Variants in BLK observed in about 807,000 individuals in gnomAD.
BLK encodes the protein tyrosine-protein kinase Blk.
Under a neutral mutation model 61.8 loss-of-function variants are expected in BLK, and 64 were observed. The observed-to-expected ratio is 1.03, with a 90% CI of 0.85 to 1.27. The LOEUF (loss-of-function observed/expected upper bound fraction) is 1.27. Among genes scored for constraint, BLK ranks in the 50% most tolerant of loss-of-function variants. The pLI, the probability that BLK is intolerant of heterozygous loss-of-function variation, is 0.00. For missense variants in BLK, 853 were observed against 660.5 expected (o/e 1.29, Z -3.19); for synonymous variants, 351 against 272.0 (o/e 1.29, Z -2.86).
intron 1 of BLK, among the ~76,000 whole-genome samples, chr8:11,527,495 A>G (rs6990576): frequency 0.019 from 2,811 of 148,896 alleles, 69 homozygotes; most frequent in African/African-American, 0.066. Flanking sequence ...TTTAGTGGGG[A>G]AGGAGTTTAA....
At chr8:11,554,942 C>G in intron 7 of BLK, 53 bp downstream of exon 7, 1 of 1,594,324 alleles carries the variant, frequency 6.3e-7, no homozygotes. Flanking sequence ...GCCCCTGGAT[C>G]TCTCGCTAAG....
intron 8 of BLK, chr8:11,556,307 T>G (rs984154035): frequency 6.0e-5 from 22 of 365,396 alleles, no homozygotes; most frequent in Non-Finnish European, 1.1e-4. Flanking sequence ...GGCTGTGTGC[T>G]TATTTCCACC....
intron 1 of BLK, among the ~76,000 whole-genome samples, chr8:11,514,208 C>T (rs998967462): frequency 1.3e-5 from 2 of 152,200 alleles, no homozygotes; most frequent in Non-Finnish European, 1.5e-5. Context: ...CTACCTGTCA[C>T]TGAGTCTAAC....
intron 1 of BLK, among the ~76,000 whole-genome samples, chr8:11,501,380 C>A (rs1196519335): frequency 6.8e-6 from 1 of 148,100 alleles, no homozygotes; most frequent in Admixed American, 6.7e-5. Flanking sequence ...AACACATTAG[C>A]ATGGAAAGGA....
At chr8:11,563,233 G>T (rs941805593) in intron 12 of BLK, 123 bp downstream of exon 12, 1 of 1,407,358 alleles carries the variant, frequency 7.1e-7, no homozygotes, top group African/African-American at 1.4e-5. Flanking sequence ...GAGCGAAGAC[G>T]GAGACCCAGG....
chr8:11,524,771 A>C (rs773477470), intron 1 of BLK, among the ~76,000 whole-genome samples: 2 of 152,240 alleles, frequency 1.3e-5, no homozygotes, highest in South Asian at 2.1e-4. Context: ...ACAACGGTTC[A>C]TTAAACCTCA....
chr8:11,521,918 A>G (rs926899349), intron 1 of BLK, among the ~76,000 whole-genome samples: 3 of 151,990 alleles, frequency 2.0e-5, no homozygotes, highest in South Asian at 2.1e-4. Context: ...GCCTTTTCTT[A>G]TGCATAAAAT....
At chr8:11,539,981 A>C (rs944774197) in intron 1 of BLK, among the ~76,000 whole-genome samples, 2 of 152,154 alleles carry the variant, frequency 1.3e-5, no homozygotes, top group African/African-American at 4.8e-5. Flanking sequence ...TCTCTTACCC[A>C]ATCTATTGCT....
At chr8:11,522,566 G>A (rs1463622399) in intron 1 of BLK, among the ~76,000 whole-genome samples, 1 of 151,930 alleles carries the variant, frequency 6.6e-6, no homozygotes, top group East Asian at 1.9e-4. Context: ...TGCAAAACAG[G>A]GAATGTATGA....
chr8:11,556,527 G>T, intron 8 of BLK, 131 bp from the exon 9 acceptor site: 1 of 1,117,980 alleles, frequency 8.9e-7, no homozygotes, highest in East Asian at 2.4e-5. Context: ...CATGGCCTCC[G>T]GAACTGCATG....
Position 11,563,930 on chromosome 8 carries a change from A to G in BLK, c.1340A>G (p.Asn447Ser). The G allele has an allele frequency of 6.2e-7, 1 of 1,608,670 alleles. No homozygotes were observed. Among genetic ancestry groups the G allele is most frequent in the South Asian group, 1.1e-5 (1 of 91,028 alleles). ...PGMSNPEVIR[N>S]LERGYRMPRP... ...ATGAGCAACCCCGAGGTCATCCGCA[A>G]CCTGGAGCGCGGCTACCGCATGCCG... The change falls in exon 13 of 13, where the codon AAC (asparagine) becomes AGC (serine). Residue 447 changes from asparagine (N) to serine (S), a missense_variant. Asn to Ser is a conservative substitution (Grantham distance 46). Coordinates refer to ENST00000259089, the MANE Select transcript of BLK (RefSeq NM_001715.3).
chr8:11,516,552 G>A (rs1222467371), intron 1 of BLK, among the ~76,000 whole-genome samples: 2 of 152,070 alleles, frequency 1.3e-5, no homozygotes, highest in Non-Finnish European at 2.9e-5. Context: ...TTCCATGAAC[G>A]ATATCTGTTA....
chr8:11,525,313 T>G lies in BLK; in HGVS notation c.-1-17911T>G, dbSNP rs189642678. 2.6e-5 allele frequency among the ~76,000 whole-genome samples: 4 copies of G among 152,326 alleles called. No homozygotes were observed. The South Asian group carries it at 8.3e-4, about 32-fold the overall frequency. ...TCCTTCAGAGGTACTTAAAGCAAAATGTAAAGTCCTCTTATCCCTTTGTGA... is the reference window on the plus strand; with the variant it reads ...TCCTTCAGAGGTACTTAAAGCAAAAGGTAAAGTCCTCTTATCCCTTTGTGA... On this transcript the variant is annotated intron_variant, in intron 1 of 12. Coordinates refer to ENST00000259089, the MANE Select transcript of BLK (RefSeq NM_001715.3).
At chr8:11,556,915 G>A (rs574959641) in intron 9 of BLK, 78 bp downstream of exon 9, 53 of 1,532,926 alleles carry the variant, frequency 3.5e-5, no homozygotes, top group African/African-American at 1.7e-4. Context: ...GGTCCGCTGC[G>A]GTGGGTTCAC....
intron 1 of BLK, among the ~76,000 whole-genome samples, chr8:11,535,261 G>GAAGAAAGA (rs5889374): frequency 0.15 from 16,403 of 110,288 alleles, 1,415 homozygotes; most frequent in Non-Finnish European, 0.16. Flanking sequence ...AAGAAAGAAA[G>GAAGAAAGA]AAGAAAGAAA....
intron 1 of BLK, among the ~76,000 whole-genome samples, chr8:11,495,399 G>C (rs150784325): frequency 3.8e-4 from 58 of 152,276 alleles, no homozygotes; most frequent in African/African-American, 1.3e-3. Context: ...AGTGAGGTTT[G>C]GACTAAGAGT....
chr8:11,554,981 A>G, intron 7 of BLK, 92 bp downstream of exon 7: 3 of 1,527,748 alleles, frequency 2.0e-6, no homozygotes, highest in South Asian at 2.4e-5. Context: ...CATTGGTGCC[A>G]CCTTGGGGGA....
chr8:11,514,779 T>C (rs1263763178), intron 1 of BLK, among the ~76,000 whole-genome samples: 1 of 152,188 alleles, frequency 6.6e-6, no homozygotes, highest in African/African-American at 2.4e-5. Context: ...AGCATCAGAA[T>C]GGGGGTGAGA....
In BLK at chr8:11,555,483, G is replaced by GGGTGA. The variant is rs759506858; in HGVS notation, c.772+1_772+5dup. The GGGTGA allele has an allele frequency of 2.5e-6, 4 of 1,614,020 alleles. No individual in the cohort carries two copies. The highest frequency in any genetic ancestry group is 3.4e-6 in the Non-Finnish European group (4 of 1,180,028). Reference sequence around the variant, plus strand: ...CTGGACAATTCGGCGAAGTCTGGATGGGTGAGTGTGTGCACACGTGGGAGC... The same window carrying GGGTGA: ...CTGGACAATTCGGCGAAGTCTGGATGGGTGAGGTGAGTGTGTGCACACGTGGGAGC... On this transcript the variant is annotated frameshift_variant and splice_region_variant, in exon 8 of 13. Transcript: ENST00000259089. LOFTEE classifies it high-confidence loss of function.
Sources: allele counts gnomAD v4.1 joint callset (sites outside exome capture counted in the v4.1 genomes callset), GRCh38; gene constraint gnomAD v4.1.1; transcripts MANE v1.5; gene names NCBI Gene and HGNC (gene_info 2026-07-23, HGNC 2026-07-21).